Variants in ADAMTSL2 observed in about 807,000 individuals in gnomAD.
ADAMTSL2 encodes ADAMTS-like protein 2.
Under a neutral mutation model 117.0 loss-of-function variants are expected in ADAMTSL2, and 55 were observed. The observed-to-expected ratio is 0.47, with a 90% CI of 0.38 to 0.59. The LOEUF is 0.59. ADAMTSL2 is among the 20% of genes least tolerant of loss of function. The probability of loss-of-function intolerance (pLI) is 0.00; values close to 1 mark genes in which losing one functional copy is unlikely to be tolerated. For missense variants in ADAMTSL2, 1,182 were observed against 1,354.5 expected (o/e 0.87, Z 2.00); for synonymous variants, 572 against 566.4 (o/e 1.01, Z -0.14).
In ADAMTSL2 at chr9:133,555,844, G is replaced by T; in HGVS notation, c.1563G>T (p.Arg521Ser). The T allele has an allele frequency of 6.2e-7, 1 of 1,613,496 alleles. No homozygotes were observed. The highest frequency in any genetic ancestry group is 1.1e-5 in the South Asian group (1 of 91,076). ...CCTACCTGGAGCTGAGCAGCGACAG[G>T]GTTGCCAACAGCTCCTCCGAGGCCC... The part of the protein sequence containing the change: ...NGSYLELSSD[R>S]VANSSSEAPF... The change falls in exon 11 of 19, where the codon AGG (arginine) becomes AGT (serine). Residue 521 changes from arginine (R) to serine (S), a missense_variant. Transcript: ENST00000651351.
chr9:133,550,197 T>G (rs1020420009), intron 9 of ADAMTSL2, among the ~76,000 whole-genome samples: 10 of 152,190 alleles, frequency 6.6e-5, no homozygotes, highest in African/African-American at 2.2e-4. Flanking sequence ...GGAAGTAAGA[T>G]CTACTTCACT....
At position 133,568,729 on chromosome 9, in the gene ADAMTSL2, C is replaced by T. The variant is rs1429742837; in HGVS notation, c.2215C>T (p.Arg739Trp). ...GAACTGCACGGGCCCGCCCTGTGAC[C>T]GGCAGTGGACCGTCTCCGACTGGGG... ...EKNCTGPPCDRQWTVSDWGPC... is the reference protein window; with the variant it reads ...EKNCTGPPCDWQWTVSDWGPC... Residue 739 changes from arginine to tryptophan, a missense_variant, in exon 15 of 19, where the codon CGG becomes TGG. This residue lies in a region of ADAMTSL2 where 465 missense variants were observed against 565.3 expected (regional missense o/e 0.82). Transcript: ENST00000651351. 1.1e-5 allele frequency: 17 copies of T among 1,613,054 alleles called. No homozygotes were observed. Among genetic ancestry groups the T allele is most frequent in the Admixed American group, 5.0e-5 (3 of 60,010 alleles).
chr9:133,573,972 C>T lies in ADAMTSL2; in HGVS notation c.2722C>T (p.Pro908Ser), dbSNP rs2131192514. ...ACAGGCCTGTGATCTGCAGCCCTGC[C>T]CCACGGAGCCCCCAGGTGAGGCGCG... Reference protein sequence around the residue: ...GRQACDLQPCPTEPPDDSCQD... With the variant: ...GRQACDLQPCSTEPPDDSCQD... Residue 908 changes from proline (P) to serine (S), a missense_variant, in exon 18 of 19, where the codon CCC becomes TCC. This residue lies in a region of ADAMTSL2 where 465 missense variants were observed against 565.3 expected (regional missense o/e 0.82). Transcript: ENST00000651351. The T allele has an allele frequency of 1.9e-6, 3 of 1,613,470 alleles. No homozygotes were observed. In the South Asian group the frequency reaches 3.3e-5, roughly 18 times the overall value.
chr9:133,573,725 C>G (rs1831162778), intron 17 of ADAMTSL2, 118 bp from the exon 18 acceptor site: 1 of 1,320,688 alleles, frequency 7.6e-7, no homozygotes, highest in Non-Finnish European at 1.1e-6. Flanking sequence ...AGTTGGGACT[C>G]ATGGCCGCCT....
rs77183725 is a variant in ADAMTSL2 at position 133,552,534 on chromosome 9, C to T, written c.940-1823C>T. On this transcript the variant is annotated intron_variant, in intron 9 of 18. Coordinates refer to ENST00000651351, the MANE Select transcript of ADAMTSL2 (RefSeq NM_014694.4). Reference sequence around the variant, plus strand: ...CCTGGGTCAAGACTGTAAACACATACGGTTGTCCACCCCAGGGGAATGAAA... The same window carrying T: ...CCTGGGTCAAGACTGTAAACACATATGGTTGTCCACCCCAGGGGAATGAAA... Among the ~76,000 whole-genome samples, 60 of 152,288 alleles carry T rather than the reference C, an allele frequency of 3.9e-4. No individual in the cohort carries two copies. The East Asian group carries it at 6.7e-3, about 17-fold the overall frequency.
chr9:133,572,317 C>T (rs1375405271), intron 17 of ADAMTSL2, among the ~76,000 whole-genome samples: 10 of 152,170 alleles, frequency 6.6e-5, no homozygotes, highest in African/African-American at 1.9e-4. Context: ...TGAGGGTGGG[C>T]CTGGGGCTTC....
intron 9 of ADAMTSL2, among the ~76,000 whole-genome samples, chr9:133,549,753 C>G (rs1830440004): frequency 6.6e-6 from 1 of 152,194 alleles, no homozygotes; most frequent in South Asian, 2.1e-4. Context: ...CTGCTGGTCT[C>G]TTGGCACAAA....
intron 8 of ADAMTSL2, among the ~76,000 whole-genome samples, chr9:133,546,383 T>A (rs1830348543): frequency 6.9e-6 from 1 of 144,046 alleles, no homozygotes; most frequent in Admixed American, 6.9e-5. Flanking sequence ...CTGGCCTGAT[T>A]GGGCACCCAG....
At chr9:133,556,012 C>A in intron 11 of ADAMTSL2, 82 bp downstream of exon 11, 2 of 1,537,360 alleles carry the variant, frequency 1.3e-6, no homozygotes, top group Non-Finnish European at 1.8e-6. Flanking sequence ...TGAGGCCCCA[C>A]TGGGGGGGTC....
chr9:133,544,127 G>A (rs920909464), intron 7 of ADAMTSL2, among the ~76,000 whole-genome samples: 13 of 152,228 alleles, frequency 8.5e-5, no homozygotes, highest in East Asian at 5.8e-4. Context: ...GGGCTCCATC[G>A]GCTGCCCAGG....
intron 11 of ADAMTSL2, among the ~76,000 whole-genome samples, 171 bp downstream of exon 11, chr9:133,556,101 G>T (rs1273823025): frequency 6.6e-6 from 1 of 152,210 alleles, no homozygotes; most frequent in Non-Finnish European, 1.5e-5. Context: ...CTGCCCCGTG[G>T]ATCTGAGCAC....
chr9:133,555,427 A>G, intron 10 of ADAMTSL2, 131 bp from the exon 11 acceptor site: 1 of 1,178,924 alleles, frequency 8.5e-7, no homozygotes, highest in Non-Finnish European at 1.2e-6. Context: ...GTTAGGCAGA[A>G]GCCCTCCTTC....
intron 1 of ADAMTSL2, among the ~76,000 whole-genome samples, 182 bp downstream of exon 1, chr9:133,535,099 C>T (rs1207393577): frequency 1.3e-5 from 2 of 152,166 alleles, no homozygotes; most frequent in Non-Finnish European, 2.9e-5. Context: ...AGCACCTAGC[C>T]TTGTGCGCCC....
Position 133,554,426 on chromosome 9 carries a change from A to G in ADAMTSL2, c.1009A>G (p.Ser337Gly). ...EYTLLQPPHE[S>G]RPQPIYYGFS... ...CACGCTGCTGCAGCCGCCACACGAG[A>G]GCCGCCCCCAGCCCATCTACTATGG... Residue 337 changes from serine (S) to glycine (G), a missense_variant, in exon 10 of 19, where the codon AGC (serine) becomes GGC (glycine). This residue lies in a region of ADAMTSL2 where 345 missense variants were observed against 325.8 expected (regional missense o/e 1.06). Transcript: ENST00000651351. The surrounding 1 kb of genome is among the most constrained non-coding windows in gnomAD (Gnocchi z 5.2). The G allele has an allele frequency of 6.4e-7, 1 of 1,563,836 alleles. No individual in the cohort carries two copies. Among genetic ancestry groups the G allele is most frequent in the Non-Finnish European group, 8.7e-7 (1 of 1,154,596 alleles).
chr9:133,561,408 G>T (rs1227521782), intron 12 of ADAMTSL2, 113 bp downstream of exon 12: 15 of 940,676 alleles, frequency 1.6e-5, no homozygotes, highest in Non-Finnish European at 2.3e-5. Flanking sequence ...TGCCCTCGGG[G>T]TGCTTGTCCG....
At chr9:133,537,005 G>A (rs775801310) in intron 2 of ADAMTSL2, among the ~76,000 whole-genome samples, 3 of 152,224 alleles carry the variant, frequency 2.0e-5, no homozygotes, top group African/African-American at 4.8e-5. Flanking sequence ...AGCCCCTGGC[G>A]ACTTGGCAGG....
At chr9:133,546,763 C>T (rs779318750) in intron 8 of ADAMTSL2, among the ~76,000 whole-genome samples, 7 of 152,230 alleles carry the variant, frequency 4.6e-5, no homozygotes, top group Non-Finnish European at 8.8e-5. Flanking sequence ...AGCTTCTTCA[C>T]AGGTAGCCAC....
In ADAMTSL2 at chr9:133,554,683, G is replaced by A; in HGVS notation, c.1266G>A (p.Lys422=). The A allele has an allele frequency of 1.3e-6, 2 of 1,493,824 alleles. No homozygotes were observed. The highest frequency in any genetic ancestry group is 1.3e-5 in the South Asian group (1 of 76,320). The allele number at this position is 1,493,824 out of a possible 1,614,324, so 92.5% of individuals were successfully genotyped here. Residue 422 remains lysine, a synonymous_variant, in exon 10 of 19, where the codon AAG becomes AAA. Transcript: ENST00000651351. This position sits in a 1 kb window ranked among gnomAD's most constrained non-coding sequence, Gnocchi z 5.2. ...CCTGCGAGGGGCCCCCCAGGGGCAA[G>A]GGCTTCCGAGGTAACCAGGAGGAGG... ...GGACEGPPRG[K]GFRDRNVTGT...
At chr9:133,540,268 C>A (rs981644657) in intron 5 of ADAMTSL2, among the ~76,000 whole-genome samples, 3 of 152,250 alleles carry the variant, frequency 2.0e-5, no homozygotes, top group African/African-American at 7.2e-5. Context: ...TCCTGCTCAC[C>A]CGCAAGGGCC....
Sources: gnomAD v4.1 joint callset for allele counts (sites outside exome capture counted in the v4.1 genomes callset) on GRCh38, gnomAD v4.1.1 for gene constraint, gnomAD v4.1.1 regional missense constraint, Gnocchi (gnomAD v3.1) non-coding constraint, MANE v1.5 for transcripts, NCBI Gene and HGNC (gene_info 2026-07-23, HGNC 2026-07-21) for gene names.